Variants in ITGA8 observed in about 807,000 individuals in gnomAD.
The protein encoded by ITGA8 is integrin alpha-8.
ITGA8 carries 91 observed loss-of-function variants against 142.3 expected under a neutral mutation model. The ratio of observed to expected loss-of-function variants is 0.64; its 90% confidence interval spans 0.54 to 0.76. The LOEUF (loss-of-function observed/expected upper bound fraction) is 0.76. Among genes scored for constraint, ITGA8 ranks in the 30% least tolerant of loss-of-function variants. The probability of loss-of-function intolerance (pLI) is 0.00; values close to 1 mark genes in which losing one functional copy is unlikely to be tolerated. For missense variants in ITGA8, 1,406 were observed against 1,327.7 expected (o/e 1.06, Z -0.92); for synonymous variants, 505 against 485.2 (o/e 1.04, Z -0.54).
chr10:15,680,071 T>C (rs1834706497), intron 4 of ITGA8, among the ~76,000 whole-genome samples: 1 of 152,314 alleles, frequency 6.6e-6, no homozygotes, highest in Non-Finnish European at 1.5e-5. Flanking sequence ...GAAATATTGA[T>C]GACTGGGCAT....
Position 15,719,774 on chromosome 10 carries a change from C to A in ITGA8, c.-3G>T. 1.1e-6 allele frequency: 1 copy of A among 950,130 alleles called. No individual in the cohort carries two copies. The highest frequency in any genetic ancestry group is 4.4e-5 in the East Asian group (1 of 22,784). 58.9% of individuals were successfully genotyped at this position (950,130 alleles called of 1,614,324 possible). On this transcript the variant is annotated 5_prime_UTR_variant, in exon 1 of 30. Coordinates refer to ENST00000378076, the MANE Select transcript of ITGA8 (RefSeq NM_003638.3). ...CCGCGGCTGGCCCCGGGCGACATCTCCCTCCGCCCCGGTGGGTGGCTGCTA... is the reference window on the plus strand; with the variant it reads ...CCGCGGCTGGCCCCGGGCGACATCTACCTCCGCCCCGGTGGGTGGCTGCTA...
chr10:15,682,107 G>A (rs542145758), intron 4 of ITGA8, among the ~76,000 whole-genome samples: 105 of 152,152 alleles, frequency 6.9e-4, no homozygotes, highest in African/African-American at 2.4e-3. Flanking sequence ...CCTTTCTATC[G>A]TCTTGTCTAA....
intron 2 of ITGA8, among the ~76,000 whole-genome samples, chr10:15,713,509 C>T (rs567928434): frequency 1.3e-5 from 2 of 152,314 alleles, no homozygotes; most frequent in South Asian, 4.1e-4. Flanking sequence ...GTTATTTCCT[C>T]TGTCATTTAC....
intron 28 of ITGA8, among the ~76,000 whole-genome samples, chr10:15,530,813 A>G (rs1220381931): frequency 6.6e-6 from 1 of 152,202 alleles, no homozygotes. Context: ...GTCTTCATTT[A>G]AAAATGGTAT....
At chr10:15,520,394 C>A (rs1833035957) in intron 28 of ITGA8, among the ~76,000 whole-genome samples, 1 of 152,204 alleles carries the variant, frequency 6.6e-6, no homozygotes, top group Admixed American at 6.5e-5. Flanking sequence ...GCCTAGGCAA[C>A]AGGGTGACAC....
At chr10:15,710,741 C>T (rs1233895291) in intron 2 of ITGA8, among the ~76,000 whole-genome samples, 1 of 152,158 alleles carries the variant, frequency 6.6e-6, no homozygotes, top group Non-Finnish European at 1.5e-5. Flanking sequence ...TAGGCTCTGA[C>T]AACTGAGACA....
At chr10:15,614,573 A>G (rs1363215522) in intron 14 of ITGA8, among the ~76,000 whole-genome samples, 1 of 152,206 alleles carries the variant, frequency 6.6e-6, no homozygotes, top group Non-Finnish European at 1.5e-5. Flanking sequence ...CAAAACAAAA[A>G]AGTATTAATA....
chr10:15,622,560 A>G (rs1162486573), intron 13 of ITGA8, among the ~76,000 whole-genome samples: 1 of 149,638 alleles, frequency 6.7e-6, no homozygotes, highest in Non-Finnish European at 1.5e-5. Flanking sequence ...CAAAATCTAG[A>G]CGACTTTTAT....
At chr10:15,575,806 C>G (rs1375956583) in intron 23 of ITGA8, among the ~76,000 whole-genome samples, 1 of 152,132 alleles carries the variant, frequency 6.6e-6, no homozygotes, top group African/African-American at 2.4e-5. Context: ...CTCTCCAGCC[C>G]AGAGGGCAAC....
chr10:15,539,712 T>G (rs7912746), intron 27 of ITGA8, among the ~76,000 whole-genome samples: 30,072 of 152,062 alleles, frequency 0.2, 4,021 homozygotes, highest in African/African-American at 0.38. Flanking sequence ...TGATATTTTG[T>G]TACCTGTATG....
chr10:15,687,081 T>C (rs888731055), intron 3 of ITGA8, among the ~76,000 whole-genome samples: 1 of 152,188 alleles, frequency 6.6e-6, no homozygotes, highest in Non-Finnish European at 1.5e-5. Context: ...AAAAACTATA[T>C]TGTGAATGTT....
intron 29 of ITGA8, among the ~76,000 whole-genome samples, chr10:15,518,699 TAGAAC>T (rs1419275354): frequency 6.6e-6 from 1 of 152,230 alleles, no homozygotes; most frequent in Non-Finnish European, 1.5e-5. Flanking sequence ...TGTGGACTTT[TAGAAC>T]AAACCTCAGT....
In ITGA8 at chr10:15,575,455, C is replaced by T. The variant is rs190430317; in HGVS notation, c.2478+34G>A. On this transcript the variant is annotated intron_variant, in intron 24 of 29. Transcript: ENST00000378076. ...TATTTGCACAGAGCTTAAGAATAAA[C>T]CCCTAACACAACTTTAACACAGACA... 2.3e-5 allele frequency: 32 copies of T among 1,390,468 alleles called. No homozygotes were observed. The Admixed American group carries it at 4.7e-4, about 20-fold the overall frequency. 86.1% of individuals were successfully genotyped at this position (1,390,468 alleles called of 1,614,324 possible).
At chr10:15,667,993 CTGTTGATTTGGGG>C (rs762003811) in intron 8 of ITGA8, among the ~76,000 whole-genome samples, 9 of 152,218 alleles carry the variant, frequency 5.9e-5, no homozygotes, top group Non-Finnish European at 1.2e-4. Flanking sequence ...AATGTATATT[CTGTTGATTTGGGG>C]TGGAGAGTTC....
intron 6 of ITGA8, among the ~76,000 whole-genome samples, chr10:15,673,035 A>C (rs1043598375): frequency 2.6e-5 from 4 of 152,148 alleles, no homozygotes; most frequent in Admixed American, 1.3e-4. Flanking sequence ...GTGGAGGCCA[A>C]ATTTGCAAGT....
At chr10:15,661,924 C>T (rs993742620) in intron 8 of ITGA8, among the ~76,000 whole-genome samples, 3 of 152,172 alleles carry the variant, frequency 2.0e-5, no homozygotes, top group African/African-American at 7.2e-5. Context: ...TTAAGTTCTC[C>T]TGACACTAAA....
At chr10:15,580,666 AAAAAAG>A (rs1834391500) in intron 23 of ITGA8, among the ~76,000 whole-genome samples, 1 of 152,242 alleles carries the variant, frequency 6.6e-6, no homozygotes, top group Non-Finnish European at 1.5e-5. Context: ...TTTAATGAAT[AAAAAAG>A]AAAAACAATT....
chr10:15,534,981 G>T (rs1833392643), intron 27 of ITGA8, among the ~76,000 whole-genome samples: 1 of 152,210 alleles, frequency 6.6e-6, no homozygotes, highest in South Asian at 2.1e-4. Flanking sequence ...AGAGGCACGG[G>T]GGGAGAGGCG....
chr10:15,677,529 T>A (rs1167204020), intron 6 of ITGA8, 63 bp downstream of exon 6: 4 of 1,327,932 alleles, frequency 3.0e-6, no homozygotes, highest in African/African-American at 1.5e-5. Flanking sequence ...TAACACTACT[T>A]CTGGGTCCAT....
Sources: allele counts gnomAD v4.1 joint callset (sites outside exome capture counted in the v4.1 genomes callset), GRCh38; gene constraint gnomAD v4.1.1; transcripts MANE v1.5; gene names NCBI Gene and HGNC (gene_info 2026-07-23, HGNC 2026-07-21).